SLC45A4: variants seen among roughly 807,000 people sequenced by gnomAD.
SLC45A4 encodes solute carrier family 45 member 4.
In SLC45A4, 32 loss-of-function variants were observed where a neutral mutation model predicts 63.7. The observed-to-expected ratio is 0.50, with a 90% CI of 0.38 to 0.67. The LOEUF (loss-of-function observed/expected upper bound fraction) is 0.67, where lower values mean the gene tolerates loss of function less well. SLC45A4 is among the 30% of genes least tolerant of loss of function. The pLI is 0.00. For synonymous variants in SLC45A4, 535 were observed against 510.0 expected, an observed-to-expected ratio of 1.05 and a Z score of -0.66; for missense variants, 1,027 against 1,157.7, an observed-to-expected ratio of 0.89 and a Z score of 1.64.
chr8:141,260,369 G>A (rs1224095680), intron 1 of SLC45A4, among the ~76,000 whole-genome samples: 3 of 152,188 alleles, frequency 2.0e-5, no homozygotes, highest in Non-Finnish European at 4.4e-5. Flanking sequence ...ATCTTAACAA[G>A]GCTAAATTAA....
intron 1 of SLC45A4, among the ~76,000 whole-genome samples, chr8:141,307,574 G>A (rs917023976): frequency 2.6e-5 from 4 of 152,012 alleles, no homozygotes; most frequent in African/African-American, 9.7e-5. Flanking sequence ...CGGTTGGGAG[G>A]ACCGGTCCAG....
chr8:141,276,875 A>C (rs1169564962), intron 1 of SLC45A4, among the ~76,000 whole-genome samples: 1 of 151,988 alleles, frequency 6.6e-6, no homozygotes. Context: ...CAAACACCTC[A>C]CGCGGGCTCC....
At chr8:141,217,243 C>A in intron 5 of SLC45A4, 54 bp from the exon 6 acceptor site, 1 of 1,567,004 alleles carries the variant, frequency 6.4e-7, no homozygotes, top group Non-Finnish European at 8.8e-7. Flanking sequence ...GCCCTCCAGG[C>A]CAGGAGCGTA....
At position 141,269,963 on chromosome 8, in the gene SLC45A4, C is replaced by T. The variant is rs189890415; in HGVS notation, c.-400-15334G>A. On this transcript the variant is annotated intron_variant, in intron 1 of 8. Transcript: ENST00000517878. ...TGCATGCCCCCAGCATGTCTTTCCC[C>T]GCACTCCTCTGCTGACCATATGGGG... Among the ~76,000 whole-genome samples the T allele has an allele frequency of 3.8e-3, 580 of 152,238 alleles. 8 individuals carry two copies. Among genetic ancestry groups the T allele is most frequent in the African/African-American group, 0.013 (549 of 41,534 alleles).
intron 2 of SLC45A4, among the ~76,000 whole-genome samples, chr8:141,246,401 G>A (rs897577898): frequency 2.6e-5 from 4 of 152,210 alleles, no homozygotes; most frequent in Admixed American, 6.5e-5. Context: ...CCTGGACTGA[G>A]AGCCTCGGCC....
Position 141,219,864 on chromosome 8 carries a change from C to T in SLC45A4, c.431-35G>A, listed in dbSNP as rs746471596. 3.3e-6 allele frequency: 5 copies of T among 1,518,652 alleles called. 1 individual carries two copies. The South Asian group carries it at 3.7e-5, about 11-fold the overall frequency. The allele number at this position is 1,518,652 out of a possible 1,614,324, so 94.1% of individuals were successfully genotyped here. A position where few individuals can be genotyped will look rare whatever the true frequency, so the allele number is the denominator to read the frequency against. ...GCACACGGGAGGGCGGTCAGGTCCT[C>T]AAGCACTGGCCAGGGTGGGCCTGAT... is the stretch of plus-strand genomic sequence containing the variant. On this transcript the variant is annotated intron_variant, in intron 3 of 8. Transcript: ENST00000517878.
At chr8:141,270,378 TA>T (rs11344722) in intron 1 of SLC45A4, among the ~76,000 whole-genome samples, 98,167 of 140,808 alleles carry the variant, frequency 0.7, 33,849 homozygotes, top group East Asian at 0.86. Flanking sequence ...ATAAATACAT[TA>T]AAAAAAAAAA....
chr8:141,239,710 T>C (rs1168232979), intron 2 of SLC45A4, among the ~76,000 whole-genome samples: 3 of 152,196 alleles, frequency 2.0e-5, no homozygotes, highest in African/African-American at 7.2e-5. Flanking sequence ...CACTAAGCTA[T>C]GGTCAGTTGC....
rs952949612 is a variant in SLC45A4, at chr8:141,218,980, C to T, written c.660G>A (p.Gln220=). 4 of 1,613,374 alleles carry T rather than the reference C, an allele frequency of 2.5e-6. No homozygotes were observed. Among genetic ancestry groups the T allele is most frequent in the Non-Finnish European group, 3.4e-6 (4 of 1,179,910 alleles). ...GYVLGGLDWT[Q]TFLGSWFRTQ... The stretch of plus-strand genomic sequence containing the variant: ...TCCGGAACCAGCTGCCCAGGAAGGT[C>T]TGGGTCCAGTCCAGCCCACCCAGCA... Residue 220 remains glutamine (Q), a synonymous_variant, in exon 5 of 9, where the codon CAG becomes CAA. Coordinates refer to ENST00000517878, the MANE Select transcript of SLC45A4 (RefSeq NM_001286646.2).
intron 2 of SLC45A4, chr8:141,252,642 C>T (rs1828535039): frequency 7.6e-6 from 1 of 130,936 alleles, no homozygotes; most frequent in Non-Finnish European, 1.7e-5. Flanking sequence ...TTTTCATGCC[C>T]ACCTGCGTCT....
chr8:141,240,390 A>G (rs1827853691), intron 2 of SLC45A4, among the ~76,000 whole-genome samples: 1 of 152,226 alleles, frequency 6.6e-6, no homozygotes, highest in Admixed American at 6.5e-5. Flanking sequence ...GAAGAAAACA[A>G]TCAACAGGAG....
At chr8:141,296,695 G>GT (rs1004287369) in intron 1 of SLC45A4, among the ~76,000 whole-genome samples, 1 of 150,672 alleles carries the variant, frequency 6.6e-6, no homozygotes, top group African/African-American at 2.4e-5. Flanking sequence ...AATTAGCTGG[G>GT]TGTGGTGGCG....
chr8:141,303,332 G>A (rs1223334289), intron 1 of SLC45A4, among the ~76,000 whole-genome samples: 2 of 149,988 alleles, frequency 1.3e-5, no homozygotes, highest in African/African-American at 2.5e-5. Flanking sequence ...GACAGGTGGG[G>A]TTTTGCCGTG....
At chr8:141,240,027 CAA>C (rs1469227567) in intron 2 of SLC45A4, among the ~76,000 whole-genome samples, 1 of 152,220 alleles carries the variant, frequency 6.6e-6, no homozygotes, top group Admixed American at 6.5e-5. Context: ...CCAGCTACAA[CAA>C]ACCGTATCCT....
At position 141,239,155 on chromosome 8, in the gene SLC45A4, C is replaced by T. The variant is rs563440128; in HGVS notation, c.241+14834G>A. Among the ~76,000 whole-genome samples the T allele has an allele frequency of 3.9e-5, 6 of 152,308 alleles. No individual in the cohort carries two copies. The South Asian group carries it at 6.2e-4, about 16-fold the overall frequency. The stretch of plus-strand genomic sequence containing the variant: ...TGACAAAGCCCTACCAGGTTACCCA[C>T]GTGACTGCGGCAAACATGCCCCTTA... On this transcript the variant is annotated intron_variant, in intron 2 of 8. Coordinates refer to ENST00000517878, the MANE Select transcript of SLC45A4 (RefSeq NM_001286646.2).
In SLC45A4 at chr8:141,212,341, C is replaced by T. The variant is rs761710708; in HGVS notation, c.2157G>A (p.Val719=). Reference sequence around the variant, plus strand: ...TCTGCTCCTCCTTGGCCTCCTCTGACACGTTGGGATAGATCACCAGGAATG... The same window carrying T: ...TCTGCTCCTCCTTGGCCTCCTCTGATACGTTGGGATAGATCACCAGGAATG... ...TATFLVIYPN[V]SEEAKEEQKG... The change falls in exon 8 of 9, where the codon GTG becomes GTA. Residue 719 remains valine, a synonymous_variant. Coordinates refer to ENST00000517878, the MANE Select transcript of SLC45A4 (RefSeq NM_001286646.2). The T allele has an allele frequency of 1.2e-6, 2 of 1,613,408 alleles. No individual in the cohort carries two copies. The highest frequency in any genetic ancestry group is 1.7e-6 in the Non-Finnish European group (2 of 1,179,884).
At chr8:141,220,252 G>T (rs1826523200) in intron 3 of SLC45A4, among the ~76,000 whole-genome samples, 1 of 152,182 alleles carries the variant, frequency 6.6e-6, no homozygotes, top group African/African-American at 2.4e-5. Context: ...AACCCGCAGG[G>T]GACACTGATG....
intron 1 of SLC45A4, among the ~76,000 whole-genome samples, chr8:141,279,727 G>A (rs1015740472): frequency 6.6e-6 from 1 of 152,232 alleles, no homozygotes; most frequent in Non-Finnish European, 1.5e-5. Flanking sequence ...ACGGACAAAG[G>A]AGTCTTTACA....
In SLC45A4 at chr8:141,215,801, G is replaced by A. The variant is rs1826108211; in HGVS notation, c.1899C>T (p.Tyr633=). 2.5e-6 allele frequency: 4 copies of A among 1,613,958 alleles called. No homozygotes were observed. Among genetic ancestry groups the A allele is most frequent in the Admixed American group, 1.7e-5 (1 of 60,014 alleles). Residue 633 remains tyrosine, a synonymous_variant, in exon 7 of 9, where the codon TAC becomes TAT. Coordinates refer to ENST00000517878, the MANE Select transcript of SLC45A4 (RefSeq NM_001286646.2). The surrounding 1 kb of genome is among the most constrained non-coding windows in gnomAD (Gnocchi z 4.3). ...TMGIVSMSIS[Y]CPYALLGQYH... is the part of the protein sequence containing the mutation. The stretch of plus-strand genomic sequence containing the variant: ...ACTGGCCCAGCAGGGCGTACGGGCA[G>A]TAGGAGATGCTCATGGAGACGATGC...
Sources: allele counts gnomAD v4.1 joint callset (sites outside exome capture counted in the v4.1 genomes callset), GRCh38; gene constraint gnomAD v4.1.1; non-coding constraint Gnocchi (gnomAD v3.1); transcripts MANE v1.5; gene names NCBI Gene and HGNC (gene_info 2026-07-23, HGNC 2026-07-21).